DCC: variants seen among roughly 807,000 people sequenced by gnomAD.
The protein encoded by DCC is DCC netrin 1 receptor, also known as netrin receptor DCC.
A neutral mutation model predicts 172.5 loss-of-function variants in DCC; 58 were observed. The observed-to-expected ratio is 0.34, with a 90% confidence interval of 0.27 to 0.42. The LOEUF (loss-of-function observed/expected upper bound fraction) is 0.42. Among genes scored for constraint, DCC ranks in the 10% least tolerant of loss-of-function variants. DCC has a pLI of 1.00. For synonymous variants in DCC, 709 were observed against 644.5 expected, an observed-to-expected ratio of 1.10 and a Z score of -1.52; for missense variants, 1,740 against 1,791.0, an observed-to-expected ratio of 0.97 and a Z score of 0.51.
chr18:53,471,781 A>T (rs1057392357), intron 25 of DCC, among the ~76,000 whole-genome samples: 5 of 152,264 alleles, frequency 3.3e-5, no homozygotes, highest in African/African-American at 1.2e-4. Context: ...TACCACCTTT[A>T]TAAGCAGGTC....
chr18:53,211,968 T>C (rs1598910896), intron 11 of DCC, among the ~76,000 whole-genome samples: 1 of 151,920 alleles, frequency 6.6e-6, no homozygotes, highest in Non-Finnish European at 1.5e-5. Context: ...GAATCACTTG[T>C]ACCTGGGAGG....
At chr18:52,676,472 T>C (rs1035651775) in intron 1 of DCC, among the ~76,000 whole-genome samples, 1 of 152,224 alleles carries the variant, frequency 6.6e-6, no homozygotes, top group African/African-American at 2.4e-5. Flanking sequence ...GTAAATGACT[T>C]GTACCCAAAA....
At position 52,784,916 on chromosome 18, in the gene DCC, G is replaced by T. The variant is rs545900467; in HGVS notation, c.412+32542G>T. 2.1e-5 allele frequency among the ~76,000 whole-genome samples: 3 copies of T among 143,494 alleles called. No homozygotes were observed. In the East Asian group the frequency reaches 6.7e-4, roughly 32 times the overall value. 94.1% of individuals were successfully genotyped at this position (143,494 alleles called of 152,430 possible). The stretch of plus-strand genomic sequence containing the variant: ...TCCTAGGGAGGTGGAGGGGGAGAGA[G>T]AGAGAGAAGAGAAGGGGGGAGAGAG... On this transcript the variant is annotated intron_variant, in intron 2 of 28. Coordinates refer to ENST00000442544, the MANE Select transcript of DCC (RefSeq NM_005215.4).
rs1035162514 is a variant in DCC, at chr18:53,483,312, C to G, written c.3737-3485C>G. Among the ~76,000 whole-genome samples the G allele has an allele frequency of 7.2e-5, 11 of 151,910 alleles. No individual in the cohort carries two copies. The East Asian group carries it at 1.9e-3, about 27-fold the overall frequency. ...TTTGTACTAATTACTCTCAAATGTT[C>G]ATTCATGTCTTCTCTAAAATAATTT... On this transcript the variant is annotated intron_variant, in intron 25 of 28. Transcript: ENST00000442544.
rs971466 is a variant in DCC at position 53,518,629 on chromosome 18, C to T, written c.4112-7988C>T. 1.3e-3 allele frequency among the ~76,000 whole-genome samples: 198 copies of T among 152,204 alleles called. 1 individual carries two copies. The highest frequency in any genetic ancestry group is 4.4e-3 in the African/African-American group (183 of 41,542). ...GAACTCCAGCCCATTTTTATTTTTTCCTCTTAGTGGGTCCTGCTGAGGAGA... is the reference window on the plus strand; with the variant it reads ...GAACTCCAGCCCATTTTTATTTTTTTCTCTTAGTGGGTCCTGCTGAGGAGA... On this transcript the variant is annotated intron_variant, in intron 27 of 28. Transcript: ENST00000442544.
rs558413573 is a variant in DCC, at chr18:53,459,996, A to AT, written c.3619+539dup. ...CATCCACATACAGTCACCTTATGTG[A>AT]TCCCCAGACTAGTTTGATGGGATTC... On this transcript the variant is annotated intron_variant, in intron 24 of 28. Coordinates refer to ENST00000442544, the MANE Select transcript of DCC (RefSeq NM_005215.4). Among the ~76,000 whole-genome samples, 66 of 146,930 alleles carry AT rather than the reference A, an allele frequency of 4.5e-4. 1 individual carries two copies. The highest frequency in any genetic ancestry group is 1.6e-3 in the African/African-American group (63 of 39,764).
At chr18:52,569,759 A>C (rs1175025207) in intron 1 of DCC, among the ~76,000 whole-genome samples, 2 of 152,202 alleles carry the variant, frequency 1.3e-5, no homozygotes, top group East Asian at 3.8e-4. Flanking sequence ...ACCAGGGATA[A>C]GTAGATTAGC....
chr18:52,861,562 A>G (rs2039142606), intron 2 of DCC, among the ~76,000 whole-genome samples: 1 of 152,236 alleles, frequency 6.6e-6, no homozygotes, highest in South Asian at 2.1e-4. Context: ...TTTGCCCACA[A>G]GAGTATAGAG....
chr18:52,562,908 G>A (rs567416202), intron 1 of DCC, among the ~76,000 whole-genome samples: 1 of 152,082 alleles, frequency 6.6e-6, no homozygotes, highest in Non-Finnish European at 1.5e-5. Flanking sequence ...GGGATTACAG[G>A]TGTGAGCCAC....
At chr18:53,074,293 A>C (rs896391237) in intron 7 of DCC, among the ~76,000 whole-genome samples, 3 of 152,218 alleles carry the variant, frequency 2.0e-5, no homozygotes, top group Admixed American at 2.0e-4. Context: ...AAGCAGGTAA[A>C]TGGGTCCTTA....
intron 12 of DCC, among the ~76,000 whole-genome samples, chr18:53,304,015 C>T (rs1280381491): frequency 3.3e-5 from 5 of 152,092 alleles, no homozygotes; most frequent in African/African-American, 4.8e-5. Flanking sequence ...ATCTCCTACC[C>T]GACTATCCCC....
chr18:52,387,597 T>TCCTTCCTTCCTTCCTTCCTC (rs1487647320), intron 1 of DCC, among the ~76,000 whole-genome samples: 12 of 149,542 alleles, frequency 8.0e-5, no homozygotes, highest in African/African-American at 2.7e-4. Context: ...CTTCCTTCCT[T>TCCTTCCTTCCTTCCTTCCTC]CCTTCCTTCC....
Position 53,110,335 on chromosome 18 carries a change from G to A in DCC, c.1261+44169G>A, listed in dbSNP as rs2043311664. ...CATTTCTCTCTTCTCAGTGTTATGTGGGTATATTAAACGACTGTTCCATAT... is the reference window on the plus strand; with the variant it reads ...CATTTCTCTCTTCTCAGTGTTATGTAGGTATATTAAACGACTGTTCCATAT... On this transcript the variant is annotated intron_variant, in intron 7 of 28. Transcript: ENST00000442544. 2.6e-5 allele frequency among the ~76,000 whole-genome samples: 4 copies of A among 151,648 alleles called. No homozygotes were observed. In the South Asian group the frequency reaches 8.3e-4, roughly 31 times the overall value.
chr18:52,812,334 A>G (rs1380019463), intron 2 of DCC, among the ~76,000 whole-genome samples: 1 of 151,616 alleles, frequency 6.6e-6, no homozygotes, highest in Non-Finnish European at 1.5e-5. Flanking sequence ...CCTTGCTTCT[A>G]AAAATATATA....
chr18:53,515,265 C>T (rs2046319365), intron 27 of DCC, among the ~76,000 whole-genome samples: 1 of 151,938 alleles, frequency 6.6e-6, no homozygotes, highest in African/African-American at 2.4e-5. Flanking sequence ...ATGCTAAAAA[C>T]TCTCAATAAA....
intron 5 of DCC, among the ~76,000 whole-genome samples, chr18:52,936,849 A>G (rs2040388694): frequency 6.6e-6 from 1 of 152,196 alleles, no homozygotes; most frequent in African/African-American, 2.4e-5. Context: ...AAGAGTTAGG[A>G]TCAGTTATGG....
chr18:52,544,624 C>G (rs1944938495), intron 1 of DCC, among the ~76,000 whole-genome samples: 1 of 152,088 alleles, frequency 6.6e-6, no homozygotes, highest in African/African-American at 2.4e-5. Flanking sequence ...CCATGCATGT[C>G]AAGGCTTTAG....
At chr18:53,081,490 A>G (rs1297441651) in intron 7 of DCC, among the ~76,000 whole-genome samples, 1 of 151,978 alleles carries the variant, frequency 6.6e-6, no homozygotes, top group African/African-American at 2.4e-5. Flanking sequence ...ATCAGTGATA[A>G]TGTCTTATCT....
At chr18:52,572,362 T>A (rs889531787) in intron 1 of DCC, among the ~76,000 whole-genome samples, 10 of 152,312 alleles carry the variant, frequency 6.6e-5, no homozygotes, top group African/African-American at 2.2e-4. Flanking sequence ...CATTTTTTTT[T>A]AAACTACTCT....
Sources: gnomAD v4.1 joint callset for allele counts (sites outside exome capture counted in the v4.1 genomes callset) on GRCh38, gnomAD v4.1.1 for gene constraint, MANE v1.5 for transcripts, NCBI Gene and HGNC (gene_info 2026-07-23, HGNC 2026-07-21) for gene names.